LRRC7: variants seen among roughly 807,000 people sequenced by gnomAD.
LRRC7 encodes leucine rich repeat containing 7.
Under a neutral mutation model 175.7 loss-of-function variants are expected in LRRC7, and 23 were observed. The observed-to-expected ratio is 0.13, with a 90% CI of 0.09 to 0.19. The LOEUF (loss-of-function observed/expected upper bound fraction) is 0.19. Ranked by LOEUF, LRRC7 falls within the 10% of genes least tolerant of loss-of-function variation. LRRC7 has a pLI of 1.00. For synonymous variants in LRRC7, 685 were observed against 680.9 expected, an observed-to-expected ratio of 1.01 and a Z score of -0.09; for missense variants, 1,354 against 1,904.7, an observed-to-expected ratio of 0.71 and a Z score of 5.38.
At chr1:69,802,316 G>A (rs758080394) in intron 4 of LRRC7, among the ~76,000 whole-genome samples, 1 of 151,426 alleles carries the variant, frequency 6.6e-6, no homozygotes, top group East Asian at 1.9e-4. Flanking sequence ...TGAGTGAGGT[G>A]TTGAAGTCCC....
chr1:70,052,536 C>T (rs1660828190), intron 22 of LRRC7, among the ~76,000 whole-genome samples: 1 of 151,998 alleles, frequency 6.6e-6, no homozygotes, highest in African/African-American at 2.4e-5. Context: ...CCAGTGTTAG[C>T]ACTATTTGGG....
intron 3 of LRRC7, among the ~76,000 whole-genome samples, chr1:69,768,261 T>C (rs1020968856): frequency 1.3e-5 from 2 of 152,182 alleles, no homozygotes; most frequent in Non-Finnish European, 2.9e-5. Flanking sequence ...CTCTGACAAC[T>C]GTGCTGGAGC....
At chr1:69,919,595 G>A (rs1295096720) in intron 7 of LRRC7, 2 of 814,272 alleles carry the variant, frequency 2.5e-6, no homozygotes, top group African/African-American at 3.3e-5. Context: ...CCGGACCAAG[G>A]AGGAGGCCCT....
chr1:69,751,658 C>T (rs949469755), intron 2 of LRRC7, among the ~76,000 whole-genome samples: 1 of 151,902 alleles, frequency 6.6e-6, no homozygotes, highest in Non-Finnish European at 1.5e-5. Flanking sequence ...CTCATTAAGC[C>T]GTTAGAGGCA....
intron 5 of LRRC7, among the ~76,000 whole-genome samples, chr1:69,826,571 A>G (rs1679935744): frequency 6.6e-6 from 1 of 152,182 alleles, no homozygotes; most frequent in African/African-American, 2.4e-5. Flanking sequence ...AATAAAATCT[A>G]GAGAGGCTCC....
Position 69,600,875 on chromosome 1 carries a change from G to T in LRRC7, c.2+32234G>T, listed in dbSNP as rs867692798. On this transcript the variant is annotated intron_variant, in intron 1 of 26. Transcript: ENST00000651989. ...CACTCAGGCTGGAGTGCAATCGCAC[G>T]CTCTCGGCTCACTCCAACCTCTGCC... Among the ~76,000 whole-genome samples the T allele has an allele frequency of 2.5e-5, 3 of 120,882 alleles. No homozygotes were observed. The East Asian group carries it at 8.6e-4, about 35-fold the overall frequency. 79.3% of individuals were successfully genotyped at this position (120,882 alleles called of 152,430 possible).
rs143911193 is a variant in LRRC7 at position 69,905,342 on chromosome 1, G to T, written c.648-26165G>T. On this transcript the variant is annotated intron_variant, in intron 7 of 26. Transcript: ENST00000651989. ...TACATATGTATACATGTGCCATGTT[G>T]GTGTGCTGCACCCATTCACTTGTCA... Among the ~76,000 whole-genome samples the T allele has an allele frequency of 3.9e-3, 597 of 151,976 alleles. 3 individuals are homozygous for T. Among genetic ancestry groups the T allele is most frequent in the African/African-American group, 0.013 (551 of 41,434 alleles).
intron 1 of LRRC7, among the ~76,000 whole-genome samples, chr1:69,621,232 G>C (rs372454359): frequency 2.6e-5 from 4 of 151,800 alleles, no homozygotes; most frequent in African/African-American, 9.7e-5. Flanking sequence ...TTTTAGTAGC[G>C]ACAGGGTTTC....
chr1:69,733,400 T>A (rs1227485998), intron 2 of LRRC7, among the ~76,000 whole-genome samples: 4 of 151,974 alleles, frequency 2.6e-5, no homozygotes, highest in African/African-American at 9.7e-5. Flanking sequence ...GAGTGTAAAA[T>A]TAAGTCAGTG....
At chr1:69,621,959 G>A (rs564539662) in intron 1 of LRRC7, among the ~76,000 whole-genome samples, 36 of 152,150 alleles carry the variant, frequency 2.4e-4, no homozygotes, top group Non-Finnish European at 4.9e-4. Flanking sequence ...TTCCTTCTCT[G>A]AACTTGAAGT....
intron 25 of LRRC7, among the ~76,000 whole-genome samples, chr1:70,101,794 G>A (rs943087370): frequency 1.2e-4 from 19 of 152,208 alleles, no homozygotes; most frequent in African/African-American, 4.1e-4. Context: ...AACAGATCAT[G>A]CCTATGTGGC....
intron 4 of LRRC7, among the ~76,000 whole-genome samples, chr1:69,792,831 T>C (rs897054326): frequency 3.9e-5 from 6 of 152,082 alleles, no homozygotes; most frequent in African/African-American, 1.2e-4. Context: ...TTCAGGTTGA[T>C]TATTTTTTCT....
chr1:69,691,797 C>CAAAAA (rs57676937), intron 2 of LRRC7, among the ~76,000 whole-genome samples: 674 of 84,260 alleles, frequency 8.0e-3, no homozygotes, highest in East Asian at 0.011. Context: ...GACCCTGTCT[C>CAAAAA]AAAAAAAAAA....
chr1:69,693,972 T>C (rs1001598151), intron 2 of LRRC7, among the ~76,000 whole-genome samples: 2 of 152,208 alleles, frequency 1.3e-5, no homozygotes, highest in Admixed American at 1.3e-4. Context: ...ATGAGAGATA[T>C]GAAATCAATA....
At chr1:70,026,484 C>T (rs1658113080) in intron 17 of LRRC7, among the ~76,000 whole-genome samples, 1 of 152,062 alleles carries the variant, frequency 6.6e-6, no homozygotes, top group African/African-American at 2.4e-5. Flanking sequence ...ATGCATGCAT[C>T]CCAATGGACT....
intron 2 of LRRC7, among the ~76,000 whole-genome samples, chr1:69,758,910 A>G (rs987702019): frequency 4.6e-5 from 7 of 152,042 alleles, no homozygotes; most frequent in African/African-American, 1.7e-4. Flanking sequence ...CTAAGTAAAA[A>G]TACATTAGCA....
intron 8 of LRRC7, among the ~76,000 whole-genome samples, chr1:69,958,881 A>G (rs1650764906): frequency 6.6e-6 from 1 of 152,078 alleles, no homozygotes; most frequent in African/African-American, 2.4e-5. Context: ...GTCTTAAAAT[A>G]TATTCCTTTG....
intron 7 of LRRC7, among the ~76,000 whole-genome samples, chr1:69,927,253 T>G (rs537480317): frequency 1.3e-5 from 2 of 152,352 alleles, no homozygotes; most frequent in East Asian, 3.9e-4. Flanking sequence ...TTTTCCTTCA[T>G]TTCAACTTTG....
In LRRC7 at chr1:69,919,769, CG is replaced by C. The variant is rs1168114609; in HGVS notation, c.648-11736del. On this transcript the variant is annotated intron_variant, in intron 7 of 26. Coordinates refer to ENST00000651989, the MANE Select transcript of LRRC7 (RefSeq NM_001370785.2). ...GCCATTTGAAGACCCCTGGTTTGCG[CG>C]GCGGACGGGGGAGATGAGCGGGACA... 8.5e-6 allele frequency: 8 copies of C among 939,602 alleles called. No homozygotes were observed. The African/African-American group carries it at 1.3e-4, about 15-fold the overall frequency. The allele number at this position is 939,602 out of a possible 1,614,324, so 58.2% of individuals were successfully genotyped here.
Sources: gnomAD v4.1 joint callset for allele counts (sites outside exome capture counted in the v4.1 genomes callset) on GRCh38, gnomAD v4.1.1 for gene constraint, MANE v1.5 for transcripts, NCBI Gene and HGNC (gene_info 2026-07-23, HGNC 2026-07-21) for gene names.